Variants in CBX3 observed in about 807,000 individuals in gnomAD.
CBX3 encodes the protein chromobox protein homolog 3.
In CBX3, 5 loss-of-function variants were observed where a neutral mutation model predicts 22.6. The observed-to-expected ratio is 0.22, with a 90% CI of 0.12 to 0.47. The LOEUF (loss-of-function observed/expected upper bound fraction) is 0.47, where lower values mean the gene tolerates loss of function less well. CBX3 is among the 20% of genes least tolerant of loss of function. The probability of loss-of-function intolerance (pLI) is 0.99; values close to 1 mark genes in which losing one functional copy is unlikely to be tolerated. For synonymous variants in CBX3, 50 were observed against 66.6 expected (o/e 0.75, Z 1.21); for missense variants, 83 against 208.1 (o/e 0.40, Z 3.70).
chr7:26,202,097 C>CCCCCT (rs769734311), intron 1 of CBX3: 2 of 151,736 alleles, frequency 1.3e-5, no homozygotes, highest in Non-Finnish European at 2.9e-5. Context: ...AAGCGCATTT[C>CCCCCT]CCCCTCCCCT....
At chr7:26,202,649 A>G in intron 1 of CBX3, 1 of 282,054 alleles carries the variant, frequency 3.5e-6, no homozygotes, top group South Asian at 4.7e-5. Context: ...TTAAACCGAA[A>G]GGATTGTCCT....
At chr7:26,204,949 C>G (rs1466626786) in intron 2 of CBX3, among the ~76,000 whole-genome samples, 2 of 152,128 alleles carry the variant, frequency 1.3e-5, no homozygotes, top group East Asian at 3.9e-4. Flanking sequence ...ACCACTATGC[C>G]TGGCTAATTT....
At chr7:26,204,936 T>C (rs1392297241) in intron 2 of CBX3, among the ~76,000 whole-genome samples, 2 of 152,124 alleles carry the variant, frequency 1.3e-5, no homozygotes, top group East Asian at 3.9e-4. Flanking sequence ...ATTACAGGCA[T>C]GCACCACTAT....
chr7:26,211,612 A>T (rs376571594), intron 4 of CBX3, 50 bp from the exon 5 acceptor site: 2 of 1,186,372 alleles, frequency 1.7e-6, no homozygotes, highest in African/African-American at 3.1e-5. Flanking sequence ...ACGCCATGAA[A>T]ACAATTTAAT....
At chr7:26,202,712 A>C in intron 1 of CBX3, 1 of 447,230 alleles carries the variant, frequency 2.2e-6, no homozygotes, top group Non-Finnish European at 4.0e-6. Flanking sequence ...TGGAAAAGAC[A>C]TTGGTCCCCT....
intron 4 of CBX3, chr7:26,210,581 T>C (rs1173415229): frequency 6.6e-6 from 1 of 152,204 alleles, no homozygotes; most frequent in Non-Finnish European, 1.5e-5. Flanking sequence ...TTTATTGATA[T>C]CATTGGTTCT....
chr7:26,211,788 T>A, intron 5 of CBX3, 32 bp downstream of exon 5: 1 of 1,450,450 alleles, frequency 6.9e-7, no homozygotes, highest in South Asian at 1.3e-5. Flanking sequence ...CATTTGAAAG[T>A]AAGAGTAGCT....
At chr7:26,210,019 G>A (rs1784768768) in intron 4 of CBX3, 1 of 152,214 alleles carries the variant, frequency 6.6e-6, no homozygotes. Context: ...GCCAGGCACG[G>A]TGGCTCGCAC....
rs1404382280 is a variant in CBX3 at position 26,213,553 on chromosome 7, GT to G, written c.*1348del. Among the ~76,000 whole-genome samples, 10 of 152,092 alleles carry G rather than the reference GT, an allele frequency of 6.6e-5. No homozygotes were observed. In the South Asian group the frequency reaches 1.9e-3, roughly 28 times the overall value. ...ATGTTTCCACAGTTGGGAAATAAAA[GT>G]TTCATGTGATGCCTAGGGTCAATTG... On this transcript the variant is annotated 3_prime_UTR_variant, in exon 6 of 6. Coordinates refer to ENST00000396386, the MANE Select transcript of CBX3 (RefSeq NM_016587.4).
intron 4 of CBX3, among the ~76,000 whole-genome samples, 154 bp downstream of exon 4, chr7:26,208,709 T>C (rs941912548): frequency 1.3e-5 from 2 of 151,620 alleles, no homozygotes; most frequent in African/African-American, 4.9e-5. Context: ...AACTGCCGCC[T>C]CCTGGGTTCA....
At chr7:26,211,908 G>A in intron 5 of CBX3, 152 bp downstream of exon 5, 2 of 852,678 alleles carry the variant, frequency 2.3e-6, no homozygotes, top group East Asian at 2.8e-5. Flanking sequence ...GCAAGGGTCA[G>A]CAAACTGTGG....
At position 26,213,088 on chromosome 7, in the gene CBX3, AT is replaced by A. The variant is rs1228039459; in HGVS notation, c.*881del. ...GTAAGACTTGGCTCATAGAAACCTA[AT>A]CAGATGGTTAGAGGTGTTGGCAGTT... On this transcript the variant is annotated 3_prime_UTR_variant, in exon 6 of 6. Coordinates refer to ENST00000396386, the MANE Select transcript of CBX3 (RefSeq NM_016587.4). 9 of 152,404 alleles carry A rather than the reference AT, an allele frequency of 5.9e-5. No homozygotes were observed. Among genetic ancestry groups the A allele is most frequent in the Non-Finnish European group, 1.2e-4 (8 of 68,062 alleles). 9.4% of individuals were successfully genotyped at this position (152,404 alleles called of 1,614,324 possible).
chr7:26,208,825 G>GGCCAGGCT (rs1345685501), intron 4 of CBX3, among the ~76,000 whole-genome samples: 2 of 149,632 alleles, frequency 1.3e-5, no homozygotes, highest in African/African-American at 2.5e-5. Flanking sequence ...TTGCCATGTT[G>GGCCAGGCT]GCCAGGCTGG....
Position 26,209,137 on chromosome 7 carries a change from C to T in CBX3, c.330+582C>T, listed in dbSNP as rs1387931829. Among the ~76,000 whole-genome samples, 15 of 151,044 alleles carry T rather than the reference C, an allele frequency of 9.9e-5. 1 individual carries two copies. The East Asian group carries it at 2.0e-3, about 20-fold the overall frequency. On this transcript the variant is annotated intron_variant, in intron 4 of 5. Coordinates refer to ENST00000396386, the MANE Select transcript of CBX3 (RefSeq NM_016587.4). ...GGCCAGACTGATCTCAAACTCCTGA[C>T]ATCAGGTGATCCACCCGCCTCGGCC...
At chr7:26,202,499 C>T (rs1295763139) in intron 1 of CBX3, 1 of 153,300 alleles carries the variant, frequency 6.5e-6, no homozygotes, top group Non-Finnish European at 1.5e-5. Flanking sequence ...GTTGAAGCAT[C>T]TTAAGTTTTT....
At chr7:26,203,087 C>G in intron 2 of CBX3, 65 bp downstream of exon 2, 1 of 1,005,380 alleles carries the variant, frequency 9.9e-7, no homozygotes, top group East Asian at 3.5e-5. Context: ...CACAGTATAA[C>G]TTTGCATCTC....
At chr7:26,207,307 G>A (rs1172409303) in intron 3 of CBX3, among the ~76,000 whole-genome samples, 3 of 152,138 alleles carry the variant, frequency 2.0e-5, no homozygotes, top group Non-Finnish European at 2.9e-5. Context: ...GGAGATTTAC[G>A]TTTGCCTGTT....
chr7:26,204,478 CAT>C (rs1784630563), intron 2 of CBX3, among the ~76,000 whole-genome samples: 2 of 152,194 alleles, frequency 1.3e-5, no homozygotes, highest in African/African-American at 4.8e-5. Flanking sequence ...TAATGAGAAT[CAT>C]AACACCTGAC....
rs1452015198 is a variant in CBX3 at position 26,212,968 on chromosome 7, T to C, written c.*760T>C. ...ACTAGCTAAACAAAACTAAGTTAAA[T>C]GAACATTTAAAAGTTTCCCTAGCGG... On this transcript the variant is annotated 3_prime_UTR_variant, in exon 6 of 6. Transcript: ENST00000396386. 6.6e-6 allele frequency: 1 copy of C among 152,282 alleles called. No individual in the cohort carries two copies. Among genetic ancestry groups the C allele is most frequent in the Admixed American group, 6.5e-5 (1 of 15,290 alleles). 9.4% of individuals were successfully genotyped at this position (152,282 alleles called of 1,614,324 possible).
Sources: gnomAD v4.1 joint callset for allele counts (sites outside exome capture counted in the v4.1 genomes callset) on GRCh38, gnomAD v4.1.1 for gene constraint, MANE v1.5 for transcripts, NCBI Gene and HGNC (gene_info 2026-07-23, HGNC 2026-07-21) for gene names.